Variants in CNTLN observed in about 807,000 individuals in gnomAD.
CNTLN encodes centlein.
CNTLN carries 212 observed loss-of-function variants against 180.0 expected under a neutral mutation model. The observed-to-expected ratio is 1.18, with a 90% CI of 1.05 to 1.32. The LOEUF (loss-of-function observed/expected upper bound fraction) is 1.32, where lower values mean the gene tolerates loss of function less well. Ranked by LOEUF, CNTLN falls within the 40% of genes most tolerant of loss-of-function variation. CNTLN has a pLI of 0.00. For missense variants in CNTLN, 2,095 were observed against 1,610.9 expected, an observed-to-expected ratio of 1.30 and a Z score of -5.14; for synonymous variants, 722 against 563.1, an observed-to-expected ratio of 1.28 and a Z score of -3.99.
chr9:17,167,164 G>A (rs1171668869), intron 2 of CNTLN: 1 of 190,480 alleles, frequency 5.2e-6, no homozygotes, highest in East Asian at 1.8e-4. Flanking sequence ...AGGTAAAAGA[G>A]CTTTATTAAC....
chr9:17,305,756 T>C (rs1016329067), intron 7 of CNTLN, among the ~76,000 whole-genome samples: 1 of 152,176 alleles, frequency 6.6e-6, no homozygotes, highest in African/African-American at 2.4e-5. Context: ...GAGTTAAAAA[T>C]GGCTGGAGGA....
intron 2 of CNTLN, among the ~76,000 whole-genome samples, chr9:17,221,566 T>G (rs1373900123): frequency 6.6e-6 from 1 of 152,090 alleles, no homozygotes; most frequent in Non-Finnish European, 1.5e-5. Flanking sequence ...TCCAGTGTGG[T>G]TTATTCCAAT....
chr9:17,304,114 G>T (rs914991776), intron 7 of CNTLN, among the ~76,000 whole-genome samples: 1 of 152,136 alleles, frequency 6.6e-6, no homozygotes, highest in African/African-American at 2.4e-5. Flanking sequence ...GTGGTAGGAT[G>T]TGGGAATTGA....
intron 2 of CNTLN, among the ~76,000 whole-genome samples, chr9:17,193,640 G>A (rs961402949): frequency 1.3e-5 from 2 of 152,096 alleles, no homozygotes; most frequent in African/African-American, 2.4e-5. Flanking sequence ...CTGCCTTCAC[G>A]GGCTGGCATC....
intron 25 of CNTLN, among the ~76,000 whole-genome samples, chr9:17,487,757 C>T (rs1832965531): frequency 6.6e-6 from 1 of 151,946 alleles, no homozygotes; most frequent in South Asian, 2.1e-4. Context: ...CTGTGTGATA[C>T]TTTTTCTTCC....
intron 16 of CNTLN, among the ~76,000 whole-genome samples, chr9:17,409,937 C>T (rs1425885795): frequency 6.6e-6 from 1 of 151,928 alleles, no homozygotes; most frequent in Non-Finnish European, 1.5e-5. Flanking sequence ...ATCATGGCAC[C>T]AAATGTTTAC....
chr9:17,502,058 C>G (rs1436790782), intron 25 of CNTLN, among the ~76,000 whole-genome samples: 4 of 151,886 alleles, frequency 2.6e-5, no homozygotes, highest in African/African-American at 9.7e-5. Context: ...ACAACTTAAT[C>G]AATGGGTATA....
intron 2 of CNTLN, among the ~76,000 whole-genome samples, chr9:17,212,205 T>A (rs932406398): frequency 1.3e-5 from 2 of 152,188 alleles, no homozygotes; most frequent in Non-Finnish European, 2.9e-5. Flanking sequence ...GATAAATAGC[T>A]CTTATTATTT....
At chr9:17,220,197 G>A (rs1416565144) in intron 2 of CNTLN, among the ~76,000 whole-genome samples, 2 of 152,046 alleles carry the variant, frequency 1.3e-5, no homozygotes, top group African/African-American at 4.8e-5. Context: ...GTTAGACTGT[G>A]AGTATGTGTA....
chr9:17,504,082 A>C (rs975385418), downstream of CNTLN, among the ~76,000 whole-genome samples: 1 of 113,876 alleles, frequency 8.8e-6, no homozygotes. Flanking sequence ...GGTGACACAA[A>C]TACTGCCTTA....
chr9:17,412,024 C>G (rs1827883373), intron 16 of CNTLN, among the ~76,000 whole-genome samples: 1 of 151,940 alleles, frequency 6.6e-6, no homozygotes, highest in African/African-American at 2.4e-5. Flanking sequence ...AGCCCCCACC[C>G]CCTCCCCATG....
At chr9:17,522,381 T>C in the CNTLN span, among the ~76,000 whole-genome samples, 4 of 152,100 alleles carry the variant, frequency 2.6e-5, no homozygotes, top group Admixed American at 2.6e-4. Flanking sequence ...TTGCCCAAGA[T>C]TCCACAGCAA....
intron 23 of CNTLN, among the ~76,000 whole-genome samples, chr9:17,483,977 C>G (rs577798871): frequency 3.9e-4 from 60 of 152,250 alleles, no homozygotes; most frequent in African/African-American, 1.4e-3. Flanking sequence ...GTTAGGTCAA[C>G]TAGTAGAAGT....
rs536654816 is a variant in CNTLN, at chr9:17,159,694, C to G, written c.449+16318C>G. Among the ~76,000 whole-genome samples, 50 of 152,112 alleles carry G rather than the reference C, an allele frequency of 3.3e-4. 1 individual carries two copies. Among genetic ancestry groups the G allele is most frequent in the African/African-American group, 1.2e-3 (49 of 41,476 alleles). On this transcript the variant is annotated intron_variant, in intron 2 of 25. Transcript: ENST00000380647. The stretch of plus-strand genomic sequence containing the variant: ...ACTGGGAACAGGAGGAAGAGGGAGC[C>G]CTGTGTTCTTGGCTGCAGCTGTCTG...
chr9:17,209,830 T>G (rs1823166825), intron 2 of CNTLN, among the ~76,000 whole-genome samples: 1 of 152,196 alleles, frequency 6.6e-6, no homozygotes, highest in Non-Finnish European at 1.5e-5. Flanking sequence ...GGTATCTGCA[T>G]TTTAAAACAT....
chr9:17,226,260 G>A lies in CNTLN; in HGVS notation c.507G>A (p.Lys169=). ...AAGTTCTAGAAATTCTGCAAGTCAA[G>A]GATGCCAAAATACAAGAATTTGAAC... ...DRKVLEILQV[K]DAKIQEFEQR... The change falls in exon 3 of 26, where the codon AAG becomes AAA. Residue 169 remains lysine (K), a synonymous_variant. Transcript: ENST00000380647. 1.3e-6 allele frequency: 2 copies of A among 1,577,896 alleles called. No homozygotes were observed. Among genetic ancestry groups the A allele is most frequent in the Admixed American group, 1.8e-5 (1 of 55,228 alleles).
At chr9:17,337,206 T>C (rs1821108864) in intron 10 of CNTLN, among the ~76,000 whole-genome samples, 1 of 152,178 alleles carries the variant, frequency 6.6e-6, no homozygotes, top group South Asian at 2.1e-4. Context: ...ATTCTGGATA[T>C]TAGCCCTTTG....
rs180966739 is a variant in CNTLN, at chr9:17,155,526, C to G, written c.449+12150C>G. On this transcript the variant is annotated intron_variant, in intron 2 of 25. Transcript: ENST00000380647. ...TTTGCTGAGCTGCAGTGGGCTCTGC[C>G]CAGTTCGAACTTCCCAGCAGCTTTG... 3.3e-5 allele frequency among the ~76,000 whole-genome samples: 5 copies of G among 152,284 alleles called. No individual in the cohort carries two copies. In the East Asian group the frequency reaches 9.7e-4, roughly 29 times the overall value.
intron 2 of CNTLN, among the ~76,000 whole-genome samples, chr9:17,179,479 T>TCAAAAATC (rs1287843666): frequency 6.6e-6 from 1 of 152,192 alleles, no homozygotes; most frequent in African/African-American, 2.4e-5. Context: ...TTTCAAGTGT[T>TCAAAAATC]TGGCGATTTT....
Sources: allele counts gnomAD v4.1 joint callset (sites outside exome capture counted in the v4.1 genomes callset), GRCh38; gene constraint gnomAD v4.1.1; transcripts MANE v1.5; gene names NCBI Gene and HGNC (gene_info 2026-07-23, HGNC 2026-07-21).